NCAM2: variants seen among roughly 807,000 people sequenced by gnomAD.
NCAM2 encodes N-CAM-2.
In NCAM2, 30 loss-of-function variants were observed where a neutral mutation model predicts 98.1. That is an observed-to-expected ratio of 0.31 (90% CI 0.23 to 0.41). NCAM2 has a LOEUF of 0.41. Ranked by LOEUF, NCAM2 falls within the 10% of genes least tolerant of loss-of-function variation. The probability of loss-of-function intolerance (pLI) is 1.00; values close to 1 mark genes in which losing one functional copy is unlikely to be tolerated. For synonymous variants in NCAM2, 368 were observed against 342.4 expected, an observed-to-expected ratio of 1.07 and a Z score of -0.83; for missense variants, 867 against 1,005.8, an observed-to-expected ratio of 0.86 and a Z score of 1.87.
rs150661417 is a variant in NCAM2 at position 21,491,988 on chromosome 21, T to C, written c.2077+14517T>C. Among the ~76,000 whole-genome samples, 157 of 151,778 alleles carry C rather than the reference T, an allele frequency of 1.0e-3. 3 individuals are homozygous for C. In the East Asian group the frequency reaches 0.025, roughly 25 times the overall value. ...ATAGGATGATATCAAATGGAGGGTA[T>C]CTTGGAATTCTTAGGAATTTGTATG... On this transcript the variant is annotated intron_variant, in intron 15 of 17. Transcript: ENST00000400546.
intron 8 of NCAM2, among the ~76,000 whole-genome samples, chr21:21,363,924 A>G (rs1267296441): frequency 1.3e-5 from 2 of 152,124 alleles, no homozygotes; most frequent in Non-Finnish European, 2.9e-5. Flanking sequence ...TCCTCTCTGA[A>G]GAGTTTCTTC....
chr21:21,252,745 A>T (rs1042212024), intron 1 of NCAM2, among the ~76,000 whole-genome samples: 1 of 152,096 alleles, frequency 6.6e-6, no homozygotes, highest in Non-Finnish European at 1.5e-5. Context: ...AAATGAATTC[A>T]TCTCGTGTCA....
intron 8 of NCAM2, among the ~76,000 whole-genome samples, chr21:21,350,959 G>GA (rs1052082139): frequency 4.5e-5 from 6 of 132,402 alleles, no homozygotes; most frequent in Admixed American, 7.6e-5. Flanking sequence ...GGAGAGAAAA[G>GA]AAAAAAAATT....
At chr21:21,235,892 A>G (rs1335433574) in intron 1 of NCAM2, among the ~76,000 whole-genome samples, 2 of 152,038 alleles carry the variant, frequency 1.3e-5, no homozygotes, top group African/African-American at 2.4e-5. Flanking sequence ...TGTCACTATT[A>G]CTTACTGTTA....
intron 9 of NCAM2, among the ~76,000 whole-genome samples, chr21:21,406,674 A>G (rs1475418446): frequency 6.6e-6 from 1 of 151,970 alleles, no homozygotes; most frequent in Non-Finnish European, 1.5e-5. Context: ...ACTTTTTTCT[A>G]CTCTGCTCAG....
At chr21:21,418,220 C>A (rs931374807) in intron 10 of NCAM2, among the ~76,000 whole-genome samples, 21 of 151,890 alleles carry the variant, frequency 1.4e-4, no homozygotes, top group African/African-American at 4.8e-4. Context: ...GAAGTGGTGC[C>A]ATTTGTTTAC....
At chr21:21,276,289 G>A (rs2072725672) in intron 1 of NCAM2, among the ~76,000 whole-genome samples, 1 of 151,970 alleles carries the variant, frequency 6.6e-6, no homozygotes, top group African/African-American at 2.4e-5. Context: ...ATCATATTTA[G>A]AAGAGGGATT....
At chr21:21,531,271 A>T (rs1271868834) in intron 16 of NCAM2, among the ~76,000 whole-genome samples, 2 of 152,060 alleles carry the variant, frequency 1.3e-5, no homozygotes, top group Non-Finnish European at 2.9e-5. Context: ...AATTTCATAA[A>T]TTTTTTTCAG....
intron 1 of NCAM2, among the ~76,000 whole-genome samples, chr21:21,251,554 A>G (rs1167325415): frequency 6.6e-6 from 1 of 152,048 alleles, no homozygotes; most frequent in East Asian, 1.9e-4. Flanking sequence ...CCAGTCTATC[A>G]TTGATGCGCA....
chr21:21,268,268 G>A (rs1426171354), intron 1 of NCAM2, among the ~76,000 whole-genome samples: 1 of 152,098 alleles, frequency 6.6e-6, no homozygotes, highest in Admixed American at 6.6e-5. Context: ...TATCTCTCAC[G>A]GAGGAATTTC....
At chr21:21,133,702 G>A (rs1040251166) in intron 1 of NCAM2, among the ~76,000 whole-genome samples, 2 of 152,166 alleles carry the variant, frequency 1.3e-5, no homozygotes. Context: ...AGAATGATGT[G>A]CAGTATTTTC....
chr21:21,133,774 TA>T (rs1195117100), intron 1 of NCAM2, among the ~76,000 whole-genome samples: 1 of 152,100 alleles, frequency 6.6e-6, no homozygotes, highest in African/African-American at 2.4e-5. Context: ...CTCATGAAAT[TA>T]AAAAGGTATT....
chr21:21,053,010 A>G (rs2065142336), intron 1 of NCAM2, among the ~76,000 whole-genome samples: 1 of 152,054 alleles, frequency 6.6e-6, no homozygotes, highest in African/African-American at 2.4e-5. Flanking sequence ...CTTTAAGAGC[A>G]TGTATAAATT....
chr21:21,446,745 T>C (rs1293657959), intron 12 of NCAM2, among the ~76,000 whole-genome samples: 1 of 151,994 alleles, frequency 6.6e-6, no homozygotes, highest in Non-Finnish European at 1.5e-5. Flanking sequence ...CATATATTCC[T>C]TTACACCAAC....
chr21:21,348,462 T>C (rs977570511), intron 8 of NCAM2, among the ~76,000 whole-genome samples: 1 of 152,060 alleles, frequency 6.6e-6, no homozygotes, highest in African/African-American at 2.4e-5. Flanking sequence ...CATCAAGAAA[T>C]GGAAAAATAT....
At chr21:21,126,236 T>TAAAAAAAAAAAAAA (rs778070776) in intron 1 of NCAM2, among the ~76,000 whole-genome samples, 7 of 97,558 alleles carry the variant, frequency 7.2e-5, no homozygotes, top group Admixed American at 1.4e-4. Context: ...TCATGGAACA[T>TAAAAAAAAAAAAAA]AAAAAAAAAA....
At chr21:21,057,881 C>T (rs934358651) in intron 1 of NCAM2, among the ~76,000 whole-genome samples, 5 of 151,960 alleles carry the variant, frequency 3.3e-5, no homozygotes, top group Admixed American at 6.6e-5. Flanking sequence ...ATATCCCTCA[C>T]GTTAACTTTC....
rs371370125 is a variant in NCAM2 at position 21,009,883 on chromosome 21, C to CTCTGTGTGTGTGTG, written c.55+11266_55+11267insCTGTGTGTGTGTGT. On this transcript the variant is annotated intron_variant, in intron 1 of 17. Coordinates refer to ENST00000400546, the MANE Select transcript of NCAM2 (RefSeq NM_004540.5). ...AAAATCCTCCTTTGGCCTCTGATAG[C>CTCTGTGTGTGTGTG]TGTGTGTGTGTGTGTGTGTGTGTGT... is the stretch of plus-strand genomic sequence containing the variant. 5.0e-5 allele frequency among the ~76,000 whole-genome samples: 7 copies of CTCTGTGTGTGTGTG among 139,736 alleles called. No individual in the cohort carries two copies. The South Asian group carries it at 7.2e-4, about 14-fold the overall frequency. The allele number at this position is 139,736 out of a possible 152,430, so 91.7% of individuals were successfully genotyped here. A position where few individuals can be genotyped will look rare whatever the true frequency, so the allele number is the denominator to read the frequency against.
rs192174637 is a variant in NCAM2, at chr21:21,114,747, C to T, written c.55+116129C>T. On this transcript the variant is annotated intron_variant, in intron 1 of 17. Transcript: ENST00000400546. ...TTCAGGGCTTCCCAGAGCTTCTTCCCCTTTAACATGAGTAATTCTGCTTTT... is the reference window on the plus strand; with the variant it reads ...TTCAGGGCTTCCCAGAGCTTCTTCCTCTTTAACATGAGTAATTCTGCTTTT... Among the ~76,000 whole-genome samples, 299 of 152,274 alleles carry T rather than the reference C, an allele frequency of 2.0e-3. 2 individuals carry two copies. The highest frequency in any genetic ancestry group is 7.0e-3 in the African/African-American group (290 of 41,554).
Sources: allele counts gnomAD v4.1 joint callset (sites outside exome capture counted in the v4.1 genomes callset), GRCh38; gene constraint gnomAD v4.1.1; transcripts MANE v1.5; gene names NCBI Gene and HGNC (gene_info 2026-07-23, HGNC 2026-07-21).